The following TMEM144 variants were observed in gnomAD, a reference collection of about 807,000 sequenced individuals.
TMEM144 encodes the protein transmembrane protein 144.
TMEM144 carries 39 observed loss-of-function variants against 43.6 expected under a neutral mutation model. The ratio of observed to expected loss-of-function variants is 0.90; its 90% CI spans 0.69 to 1.17. The LOEUF (loss-of-function observed/expected upper bound fraction) is 1.17, where lower values mean the gene tolerates loss of function less well. Ranked by LOEUF, TMEM144 falls within the 50% of genes most tolerant of loss-of-function variation. TMEM144 has a pLI of 0.00. For synonymous variants in TMEM144, 154 were observed against 133.6 expected, an observed-to-expected ratio of 1.15 and a Z score of -1.06; for missense variants, 417 against 411.9, an observed-to-expected ratio of 1.01 and a Z score of -0.11.
chr4:158,248,906 TTTTG>T (rs762038513), intron 12 of TMEM144, among the ~76,000 whole-genome samples: 9 of 152,318 alleles, frequency 5.9e-5, no homozygotes, highest in East Asian at 5.8e-4. Context: ...TGATACTCTT[TTTTG>T]TTTGTTTGTT....
intron 5 of TMEM144, 31 bp from the exon 6 acceptor site, chr4:158,219,279 T>C: frequency 6.2e-7 from 1 of 1,609,822 alleles, no homozygotes; most frequent in Non-Finnish European, 8.5e-7. Context: ...CTTAACAATA[T>C]TTAATTTGAT....
intron 7 of TMEM144, 106 bp downstream of exon 7, chr4:158,233,088 C>A: frequency 1.3e-6 from 1 of 773,958 alleles, no homozygotes; most frequent in South Asian, 2.0e-5. Context: ...GCTCATCACT[C>A]CTGGCTATGT....
chr4:158,211,776 A>T (rs1366463331), intron 2 of TMEM144: 1 of 152,214 alleles, frequency 6.6e-6, no homozygotes, highest in Non-Finnish European at 1.5e-5. Flanking sequence ...CATTTTCTTT[A>T]CTAAAGTTTA....
rs1442055509 is a variant in TMEM144, at chr4:158,253,773, A to C, written c.*246A>C. 1 of 464,282 alleles carries C rather than the reference A, an allele frequency of 2.2e-6. No individual in the cohort carries two copies. The highest frequency in any genetic ancestry group is 4.1e-5 in the East Asian group (1 of 24,216). The allele number at this position is 464,282 out of a possible 1,614,324, so 28.8% of individuals were successfully genotyped here. On this transcript the variant is annotated 3_prime_UTR_variant, in exon 13 of 13. Coordinates refer to ENST00000296529, the MANE Select transcript of TMEM144 (RefSeq NM_018342.5). Reference sequence around the variant, plus strand: ...AAGGTAGTACTTTACTGGGTGACTAAAATGTCTACATTATTATAGCATTAC... The same window carrying C: ...AAGGTAGTACTTTACTGGGTGACTACAATGTCTACATTATTATAGCATTAC...
In TMEM144 at chr4:158,253,582, A is replaced by C. The variant is rs997173873; in HGVS notation, c.*55A>C. On this transcript the variant is annotated 3_prime_UTR_variant, in exon 13 of 13. Transcript: ENST00000296529. ...AGTTAAGAGAACGCGTCTATCGGAC[A>C]GCGGAGAGATCATGCTGAGAAAAGA... 7.1e-7 allele frequency: 1 copy of C among 1,411,646 alleles called. No individual in the cohort carries two copies. Among genetic ancestry groups the C allele is most frequent in the South Asian group, 1.2e-5 (1 of 85,064 alleles). 87.4% of individuals were successfully genotyped at this position (1,411,646 alleles called of 1,614,324 possible).
intron 4 of TMEM144, 35 bp downstream of exon 4, chr4:158,215,348 A>G (rs1560819976): frequency 6.2e-7 from 1 of 1,602,596 alleles, no homozygotes; most frequent in African/African-American, 1.3e-5. Context: ...TTTATTATGT[A>G]ACATAATGAT....
intron 11 of TMEM144, 42 bp from the exon 12 acceptor site, chr4:158,244,254 G>T: frequency 7.1e-7 from 1 of 1,414,194 alleles, no homozygotes; most frequent in South Asian, 1.3e-5. Flanking sequence ...TCTAGTCATA[G>T]GTAAATATCC....
intron 3 of TMEM144, chr4:158,213,410 A>G (rs548959029): frequency 1.3e-5 from 2 of 152,342 alleles, no homozygotes; most frequent in African/African-American, 2.4e-5. Context: ...GTGTTTTTCA[A>G]TTAAAATGCC....
At chr4:158,221,205 G>A (rs995735345) in intron 6 of TMEM144, among the ~76,000 whole-genome samples, 1 of 152,072 alleles carries the variant, frequency 6.6e-6, no homozygotes, top group South Asian at 2.1e-4. Flanking sequence ...AACAGGAGAG[G>A]ATTTAACACA....
At chr4:158,241,648 T>C (rs1735646856) in intron 11 of TMEM144, 42 bp downstream of exon 11, 1 of 1,563,420 alleles carries the variant, frequency 6.4e-7, no homozygotes. Flanking sequence ...ATTTTATAAA[T>C]GTAAACCCAA....
Position 158,240,352 on chromosome 4 carries a change from T to C in TMEM144, c.736T>C (p.Tyr246His). The C allele has an allele frequency of 6.2e-7, 1 of 1,614,020 alleles. No individual in the cohort carries two copies. The highest frequency in any genetic ancestry group is 8.5e-7 in the Non-Finnish European group (1 of 1,179,950). ...TGGCATCTTTCTTACAAGTACTGTC[T>C]ACTTTCTGGCCTACTGCATAGCCAT... ...FSGIFLTSTV[Y>H]FLAYCIAMKN... Residue 246 changes from tyrosine to histidine, a missense_variant, in exon 10 of 13, where the codon TAC becomes CAC. Coordinates refer to ENST00000296529, the MANE Select transcript of TMEM144 (RefSeq NM_018342.5).
intron 5 of TMEM144, among the ~76,000 whole-genome samples, chr4:158,218,405 C>G (rs1734341054): frequency 6.6e-6 from 1 of 152,112 alleles, no homozygotes; most frequent in African/African-American, 2.4e-5. Flanking sequence ...CCTTTCCACT[C>G]AAAGCATTAT....
At chr4:158,225,956 A>G (rs889327505) in intron 6 of TMEM144, among the ~76,000 whole-genome samples, 5 of 152,236 alleles carry the variant, frequency 3.3e-5, no homozygotes, top group African/African-American at 1.2e-4. Flanking sequence ...GAATCCTGGA[A>G]AAGAGCTACC....
At chr4:158,216,150 T>C (rs939056785) in intron 4 of TMEM144, among the ~76,000 whole-genome samples, 7 of 152,146 alleles carry the variant, frequency 4.6e-5, no homozygotes, top group African/African-American at 1.7e-4. Flanking sequence ...TTGTCATATC[T>C]AACAGGGGGA....
chr4:158,219,980 G>A (rs898940508), intron 6 of TMEM144, among the ~76,000 whole-genome samples: 1 of 152,172 alleles, frequency 6.6e-6, no homozygotes, highest in Non-Finnish European at 1.5e-5. Flanking sequence ...TCTCTGTATG[G>A]CAGTGTTCAG....
At chr4:158,244,620 A>C (rs1355289224) in intron 12 of TMEM144, among the ~76,000 whole-genome samples, 2 of 152,208 alleles carry the variant, frequency 1.3e-5, no homozygotes, top group South Asian at 2.1e-4. Flanking sequence ...CAGTGAGTCA[A>C]GATCACGCCA....
At chr4:158,231,357 CCTTCTGAGGCTG>C (rs879428543) in intron 6 of TMEM144, among the ~76,000 whole-genome samples, 2 of 152,166 alleles carry the variant, frequency 1.3e-5, no homozygotes, top group Non-Finnish European at 2.9e-5. Context: ...GAGAGACTTT[CCTTCTGAGGCTG>C]CTTCTGAGGC....
At chr4:158,247,708 T>C (rs1346725938) in intron 12 of TMEM144, among the ~76,000 whole-genome samples, 4 of 152,146 alleles carry the variant, frequency 2.6e-5, no homozygotes, top group Non-Finnish European at 5.9e-5. Flanking sequence ...TAAAATACTG[T>C]ATTTTACTTT....
intron 6 of TMEM144, among the ~76,000 whole-genome samples, chr4:158,221,516 C>T (rs1275220084): frequency 6.6e-6 from 1 of 152,158 alleles, no homozygotes; most frequent in Non-Finnish European, 1.5e-5. Flanking sequence ...AAACAATATT[C>T]AGAACACTCT....
Sources: gnomAD v4.1 joint callset for allele counts (sites outside exome capture counted in the v4.1 genomes callset) on GRCh38, gnomAD v4.1.1 for gene constraint, MANE v1.5 for transcripts, NCBI Gene and HGNC (gene_info 2026-07-23, HGNC 2026-07-21) for gene names.